The following PLCL1 variants were observed in gnomAD, a reference collection of about 807,000 sequenced individuals.
PLCL1 encodes phospholipase C like 1 (inactive), also known as inactive phospholipase C-like protein 1.
PLCL1 carries 41 observed loss-of-function variants against 84.4 expected under a neutral mutation model. The ratio of observed to expected loss-of-function variants is 0.49; its 90% CI spans 0.38 to 0.63. PLCL1 has a LOEUF of 0.63. Ranked by LOEUF, PLCL1 falls within the 30% of genes least tolerant of loss-of-function variation. The probability of loss-of-function intolerance (pLI) is 0.00; values close to 1 mark genes in which losing one functional copy is unlikely to be tolerated. For synonymous variants in PLCL1, 490 were observed against 488.3 expected (o/e 1.00, Z -0.05); for missense variants, 1,206 against 1,367.8 (o/e 0.88, Z 1.87).
intron 1 of PLCL1, among the ~76,000 whole-genome samples, chr2:197,922,799 G>C (rs867904234): frequency 1.1e-5 from 1 of 93,026 alleles, no homozygotes. Context: ...CCTCCCTCCC[G>C]GACGGGGCGG....
chr2:197,841,999 T>C (rs1459502696), intron 1 of PLCL1, among the ~76,000 whole-genome samples: 1 of 152,098 alleles, frequency 6.6e-6, no homozygotes, highest in Non-Finnish European at 1.5e-5. Flanking sequence ...GCTCAGAAGG[T>C]TTTAGCCTAT....
intron 1 of PLCL1, among the ~76,000 whole-genome samples, chr2:198,056,503 C>A (rs1692077075): frequency 1.3e-5 from 2 of 152,280 alleles, no homozygotes; most frequent in Admixed American, 1.3e-4. Flanking sequence ...TATCTTTCCA[C>A]TTCGTGATCT....
At chr2:198,131,600 A>G (rs534978002) in intron 5 of PLCL1, among the ~76,000 whole-genome samples, 5 of 152,210 alleles carry the variant, frequency 3.3e-5, no homozygotes, top group Admixed American at 6.5e-5. Context: ...AAAGTCACAA[A>G]GTCAATTCAT....
intron 1 of PLCL1, among the ~76,000 whole-genome samples, chr2:197,902,717 T>C (rs898612224): frequency 6.6e-6 from 1 of 152,184 alleles, no homozygotes; most frequent in African/African-American, 2.4e-5. Context: ...ATGCTGAGAC[T>C]AAAACTCTCC....
At chr2:197,823,953 C>G (rs1690873646) in intron 1 of PLCL1, among the ~76,000 whole-genome samples, 1 of 152,100 alleles carries the variant, frequency 6.6e-6, no homozygotes, top group Middle Eastern at 3.2e-3. Context: ...CCACTTTCCT[C>G]AAATTCTAGA....
intron 1 of PLCL1, among the ~76,000 whole-genome samples, chr2:197,990,772 C>A (rs937353710): frequency 2.0e-5 from 3 of 152,084 alleles, no homozygotes; most frequent in Non-Finnish European, 1.5e-5. Context: ...AAATGTTTCT[C>A]TAACAGTTTA....
intron 1 of PLCL1, among the ~76,000 whole-genome samples, chr2:198,067,146 G>C (rs1230953515): frequency 7.9e-6 from 1 of 126,318 alleles, no homozygotes; most frequent in Non-Finnish European, 1.6e-5. Context: ...TTTTTTTTTA[G>C]AGACGGAGTT....
Position 197,846,519 on chromosome 2 carries a change from A to G in PLCL1, c.240+41180A>G, listed in dbSNP as rs1003032057. On this transcript the variant is annotated intron_variant, in intron 1 of 5. Transcript: ENST00000428675. The stretch of plus-strand genomic sequence containing the variant: ...GTTAAAATTAGGAATCTTTTTGGGG[A>G]GGAATTTATTTAGATTTAAAAACAC... Among the ~76,000 whole-genome samples the G allele has an allele frequency of 2.0e-5, 3 of 152,078 alleles. 1 individual carries two copies. Among genetic ancestry groups the G allele is most frequent in the Admixed American group, 2.0e-4 (3 of 15,266 alleles).
intron 1 of PLCL1, among the ~76,000 whole-genome samples, chr2:197,890,815 GTATATATACATA>G (rs1336755526): frequency 3.9e-4 from 12 of 30,430 alleles, no homozygotes; most frequent in African/African-American, 3.8e-3. Flanking sequence ...CTATATATGT[GTATATATACATA>G]TATGCATATA....
At chr2:197,988,550 T>A (rs1409358690) in intron 1 of PLCL1, among the ~76,000 whole-genome samples, 1 of 152,182 alleles carries the variant, frequency 6.6e-6, no homozygotes, top group Non-Finnish European at 1.5e-5. Context: ...AAAGATGTTA[T>A]TTCATTCTTT....
chr2:197,807,537 C>G (rs1388335976), intron 1 of PLCL1, among the ~76,000 whole-genome samples: 1 of 152,142 alleles, frequency 6.6e-6, no homozygotes, highest in Non-Finnish European at 1.5e-5. Flanking sequence ...GATCAAGAAC[C>G]TTTCTGGTGA....
chr2:198,130,690 A>G (rs962688906), intron 5 of PLCL1, among the ~76,000 whole-genome samples: 1 of 152,012 alleles, frequency 6.6e-6, no homozygotes, highest in Non-Finnish European at 1.5e-5. Flanking sequence ...GAGTTATCCA[A>G]ACCTAAATCC....
chr2:197,967,358 A>C (rs917787789), intron 1 of PLCL1, among the ~76,000 whole-genome samples: 1 of 152,024 alleles, frequency 6.6e-6, no homozygotes, highest in Non-Finnish European at 1.5e-5. Context: ...CACCACGCCC[A>C]GCTAATTTTT....
intron 1 of PLCL1, among the ~76,000 whole-genome samples, chr2:198,072,192 T>A (rs1218518715): frequency 1.3e-5 from 2 of 151,918 alleles, no homozygotes; most frequent in Non-Finnish European, 2.9e-5. Context: ...ACATATCTTG[T>A]TAAGTTTATT....
intron 1 of PLCL1, among the ~76,000 whole-genome samples, chr2:197,878,285 T>C (rs959821843): frequency 2.6e-5 from 4 of 152,168 alleles, no homozygotes; most frequent in African/African-American, 4.8e-5. Context: ...TCTTTAGTTA[T>C]CACACTTTGC....
intron 1 of PLCL1, among the ~76,000 whole-genome samples, chr2:198,004,142 T>TA (rs1690671278): frequency 1.3e-5 from 2 of 152,180 alleles, no homozygotes; most frequent in African/African-American, 4.8e-5. Flanking sequence ...ATTTAGCTTT[T>TA]TTTTTTAAAA....
rs1026997403 is a variant in PLCL1, at chr2:198,149,080, G to C, written c.*2118G>C. 1 of 152,408 alleles carries C rather than the reference G, an allele frequency of 6.6e-6. No homozygotes were observed. The highest frequency in any genetic ancestry group is 6.5e-5 in the Admixed American group (1 of 15,274). The allele number at this position is 152,408 out of a possible 1,614,324, so 9.4% of individuals were successfully genotyped here. On this transcript the variant is annotated 3_prime_UTR_variant, in exon 6 of 6. Transcript: ENST00000428675. ...CTTGCTAGATGGGGAGTGAGATGTG[G>C]AGCAGGGAGGAGCTTTGGATTCTGG...
intron 1 of PLCL1, among the ~76,000 whole-genome samples, chr2:197,895,069 G>A (rs1030000826): frequency 4.6e-5 from 7 of 152,200 alleles, no homozygotes; most frequent in African/African-American, 1.7e-4. Context: ...TAATTTAAAA[G>A]TGTTGGCCCA....
chr2:197,952,480 C>A (rs1469352494), intron 1 of PLCL1, among the ~76,000 whole-genome samples: 5 of 152,130 alleles, frequency 3.3e-5, no homozygotes, highest in African/African-American at 4.8e-5. Context: ...TTTGTGGAAG[C>A]AGCACCCAGG....
Sources: allele counts gnomAD v4.1 joint callset (sites outside exome capture counted in the v4.1 genomes callset), GRCh38; gene constraint gnomAD v4.1.1; transcripts MANE v1.5; gene names NCBI Gene and HGNC (gene_info 2026-07-23, HGNC 2026-07-21).